FSTL5: variants seen among roughly 807,000 people sequenced by gnomAD.
FSTL5 encodes follistatin-related protein 5.
Under a neutral mutation model 89.1 loss-of-function variants are expected in FSTL5, and 62 were observed. That is an observed-to-expected ratio of 0.70 (90% confidence interval 0.57 to 0.86). FSTL5 has a LOEUF of 0.86. Ranked by LOEUF, FSTL5 falls within the 40% of genes least tolerant of loss-of-function variation. The pLI, the probability that FSTL5 is intolerant of heterozygous loss-of-function variation, is 0.00. For missense variants in FSTL5, 1,057 were observed against 1,001.6 expected (o/e 1.06, Z -0.75); for synonymous variants, 383 against 346.2 (o/e 1.11, Z -1.18).
At chr4:161,996,766 C>T (rs907479816) in intron 3 of FSTL5, among the ~76,000 whole-genome samples, 23 of 152,252 alleles carry the variant, frequency 1.5e-4, no homozygotes, top group Admixed American at 1.2e-3. Flanking sequence ...AGTTATTGCT[C>T]TATGTAGCTG....
At chr4:162,097,245 C>A (rs1730799962) in intron 2 of FSTL5, among the ~76,000 whole-genome samples, 1 of 150,980 alleles carries the variant, frequency 6.6e-6, no homozygotes, top group Non-Finnish European at 1.5e-5. Context: ...GATAAATTGA[C>A]TGCAATAGAG....
intron 3 of FSTL5, among the ~76,000 whole-genome samples, chr4:162,008,715 C>T (rs1176330792): frequency 6.6e-6 from 1 of 151,824 alleles, no homozygotes; most frequent in Non-Finnish European, 1.5e-5. Context: ...AGATAAAAAA[C>T]TGCTGGGCTC....
chr4:161,655,373 G>T (rs1736479923), intron 7 of FSTL5, among the ~76,000 whole-genome samples: 1 of 151,942 alleles, frequency 6.6e-6, no homozygotes, highest in African/African-American at 2.4e-5. Flanking sequence ...ATGGGAGTTG[G>T]TATAGTCCCT....
At chr4:161,406,216 T>C (rs1731369453) in intron 15 of FSTL5, among the ~76,000 whole-genome samples, 1 of 152,174 alleles carries the variant, frequency 6.6e-6, no homozygotes, top group Admixed American at 6.5e-5. Context: ...TATTATGTTG[T>C]GTTTTGTTTT....
rs575708511 is a variant in FSTL5, at chr4:162,063,354, T to A, written c.127-29696A>T. 1.6e-3 allele frequency among the ~76,000 whole-genome samples: 247 copies of A among 151,990 alleles called. 1 individual carries two copies. The highest frequency in any genetic ancestry group is 5.4e-3 in the African/African-American group (223 of 41,558). On this transcript the variant is annotated intron_variant, in intron 2 of 15. Coordinates refer to ENST00000306100, the MANE Select transcript of FSTL5 (RefSeq NM_020116.5). ...TTCTCTTATACAAGAGAAATTTGCA[T>A]ATTCATTTTCCACATACAAAACAGT...
chr4:161,478,040 C>A (rs572005045), intron 13 of FSTL5, among the ~76,000 whole-genome samples: 19 of 152,106 alleles, frequency 1.2e-4, no homozygotes, highest in Non-Finnish European at 1.0e-4. Flanking sequence ...TATGCATACA[C>A]ACACATAAAC....
At chr4:162,048,036 C>G (rs1738252668) in intron 2 of FSTL5, among the ~76,000 whole-genome samples, 1 of 151,870 alleles carries the variant, frequency 6.6e-6, no homozygotes, top group Non-Finnish European at 1.5e-5. Flanking sequence ...CATGTTAAAG[C>G]CTATTCCCAG....
At chr4:161,887,646 C>T (rs965885909) in intron 4 of FSTL5, among the ~76,000 whole-genome samples, 2 of 151,856 alleles carry the variant, frequency 1.3e-5, no homozygotes, top group East Asian at 1.9e-4. Context: ...GATTTAGTCC[C>T]GTGATTTTTC....
chr4:161,736,423 T>G (rs2126767085), intron 6 of FSTL5, among the ~76,000 whole-genome samples: 1 of 152,258 alleles, frequency 6.6e-6, no homozygotes. Flanking sequence ...AATCTACCAC[T>G]TAAGAAGCAG....
intron 6 of FSTL5, among the ~76,000 whole-genome samples, chr4:161,659,083 T>C (rs1237184048): frequency 2.0e-5 from 3 of 152,190 alleles, no homozygotes; most frequent in Admixed American, 1.3e-4. Flanking sequence ...ATGTGGGCAA[T>C]CTTTCTAAAA....
At chr4:161,927,488 C>A (rs1052502336) in intron 3 of FSTL5, among the ~76,000 whole-genome samples, 1 of 151,386 alleles carries the variant, frequency 6.6e-6, no homozygotes, top group Non-Finnish European at 1.5e-5. Flanking sequence ...TAAAGTCAGT[C>A]CAGCAATATG....
Position 161,435,321 on chromosome 4 carries a change from A to G in FSTL5, c.1841+19683T>C, listed in dbSNP as rs187700264. Among the ~76,000 whole-genome samples, 21 of 152,308 alleles carry G rather than the reference A, an allele frequency of 1.4e-4. No homozygotes were observed. In the East Asian group the frequency reaches 4.0e-3, roughly 29 times the overall value. ...ACGTTAAGTGAAATAAGACAGGCAC[A>G]GAAAGACAAACATCACATGTTCTCA... On this transcript the variant is annotated intron_variant, in intron 15 of 15. Transcript: ENST00000306100.
chr4:161,947,253 TTCTATCTA>T (rs72338368), intron 3 of FSTL5, among the ~76,000 whole-genome samples: 7 of 151,192 alleles, frequency 4.6e-5, no homozygotes, highest in Non-Finnish European at 1.0e-4. Flanking sequence ...TTTTTTAAAG[TTCTATCTA>T]TCTTTTATTT....
At chr4:161,997,280 T>G (rs924559848) in intron 3 of FSTL5, among the ~76,000 whole-genome samples, 2 of 152,184 alleles carry the variant, frequency 1.3e-5, no homozygotes, top group African/African-American at 4.8e-5. Flanking sequence ...GATTTTTCCT[T>G]ATTGTTTTTC....
chr4:161,920,261 T>C (rs1269432241), intron 4 of FSTL5, 143 bp downstream of exon 4: 5 of 726,276 alleles, frequency 6.9e-6, no homozygotes, highest in Non-Finnish European at 1.1e-5. Flanking sequence ...CACACACTGC[T>C]ACTTAGTGGA....
At chr4:161,462,826 G>C (rs1267822122) in intron 13 of FSTL5, among the ~76,000 whole-genome samples, 1 of 151,956 alleles carries the variant, frequency 6.6e-6, no homozygotes, top group Non-Finnish European at 1.5e-5. Flanking sequence ...AAAGAAATGA[G>C]ACCTAGAAGA....
intron 4 of FSTL5, among the ~76,000 whole-genome samples, chr4:161,890,110 CTG>C (rs1331846832): frequency 6.6e-6 from 1 of 152,064 alleles, no homozygotes; most frequent in African/African-American, 2.4e-5. Flanking sequence ...TCTTTTCTAT[CTG>C]TGTCAGTGAA....
intron 12 of FSTL5, among the ~76,000 whole-genome samples, chr4:161,498,880 C>T (rs1730189262): frequency 6.6e-6 from 1 of 152,002 alleles, no homozygotes; most frequent in Non-Finnish European, 1.5e-5. Flanking sequence ...CAAAGACTGA[C>T]TTAATAATGA....
At chr4:162,153,682 T>C (rs1733329866) in intron 1 of FSTL5, among the ~76,000 whole-genome samples, 1 of 131,354 alleles carries the variant, frequency 7.6e-6, no homozygotes, top group African/African-American at 2.8e-5. Flanking sequence ...ATTATATATG[T>C]ATATAATAAT....
Sources: gnomAD v4.1 joint callset for allele counts (sites outside exome capture counted in the v4.1 genomes callset) on GRCh38, gnomAD v4.1.1 for gene constraint, MANE v1.5 for transcripts, NCBI Gene and HGNC (gene_info 2026-07-23, HGNC 2026-07-21) for gene names.